ATP8B4: variants seen among roughly 807,000 people sequenced by gnomAD.
ATP8B4 encodes the protein probable phospholipid-transporting ATPase IM.
ATP8B4 carries 133 observed loss-of-function variants against 145.6 expected under a neutral mutation model. The ratio of observed to expected loss-of-function variants is 0.91; its 90% CI spans 0.79 to 1.05. The LOEUF is 1.05. Ranked by LOEUF, ATP8B4 falls within the 50% of genes least tolerant of loss-of-function variation. The pLI is 0.00. For missense variants in ATP8B4, 1,458 were observed against 1,425.2 expected (o/e 1.02, Z -0.37); for synonymous variants, 507 against 492.9 (o/e 1.03, Z -0.38).
intron 3 of ATP8B4, among the ~76,000 whole-genome samples, chr15:50,071,019 G>T (rs1057450749): frequency 6.6e-6 from 1 of 152,136 alleles, no homozygotes; most frequent in African/African-American, 2.4e-5. Context: ...GGGATTACAG[G>T]CATGAATCAC....
chr15:50,072,921 C>CCCCTCT lies in ATP8B4; in HGVS notation c.87+1205_87+1206insAGAGGG, dbSNP rs1489043308. 4.8e-4 allele frequency among the ~76,000 whole-genome samples: 13 copies of CCCCTCT among 27,294 alleles called. 2 individuals carry two copies. Among genetic ancestry groups the CCCCTCT allele is most frequent in the African/African-American group, 7.2e-4 (5 of 6,920 alleles). The allele number at this position is 27,294 out of a possible 152,430, so 17.9% of individuals were successfully genotyped here. ...TACAGGCATGAGTCACTGTGCCCGG[C>CCCCTCT]CTCTCTCTCTCTCTCTCTCTCTCTC... is the stretch of plus-strand genomic sequence containing the variant. On this transcript the variant is annotated intron_variant, in intron 3 of 27. Transcript: ENST00000284509.
At position 49,920,371 on chromosome 15, in the gene ATP8B4, A is replaced by T; in HGVS notation, c.1798T>A (p.Tyr600Asn). ...GEGLRTLAIA[Y>N]RDLDDKYFKE... ...AAGTACTTGTCATCCAGGTCTCTGTATGCGATGGCCAAGGTCCGAAGGCCT... is the reference window on the plus strand; with the variant it reads ...AAGTACTTGTCATCCAGGTCTCTGTTTGCGATGGCCAAGGTCCGAAGGCCT... The change falls in exon 18 of 28, where the codon TAC becomes AAC. Residue 600 changes from tyrosine to asparagine, a missense_variant. Transcript: ENST00000284509. 1 of 1,614,230 alleles carries T rather than the reference A, an allele frequency of 6.2e-7. No individual in the cohort carries two copies. Among genetic ancestry groups the T allele is most frequent in the Non-Finnish European group, 8.5e-7 (1 of 1,180,040 alleles).
At position 50,047,468 on chromosome 15, in the gene ATP8B4, G is replaced by C; in HGVS notation, c.88-4C>G. The C allele has an allele frequency of 6.7e-7, 1 of 1,502,684 alleles. No homozygotes were observed. Among genetic ancestry groups the C allele is most frequent in the Non-Finnish European group, 9.3e-7 (1 of 1,079,048 alleles). 93.1% of individuals were successfully genotyped at this position (1,502,684 alleles called of 1,614,324 possible). On this transcript the variant is annotated splice_polypyrimidine_tract_variant and splice_region_variant and intron_variant, in intron 3 of 27. Transcript: ENST00000284509. ...TCGATGTGTGGATACGATTATCCTG[G>C]AAAAGAAATAGCATCATGTTAGTTT... is the stretch of plus-strand genomic sequence containing the variant.
chr15:49,962,413 A>T (rs2044163025), intron 13 of ATP8B4, among the ~76,000 whole-genome samples: 1 of 152,210 alleles, frequency 6.6e-6, no homozygotes, highest in Non-Finnish European at 1.5e-5. Flanking sequence ...CCCAATGCAG[A>T]ACTTTGCCTA....
chr15:49,912,627 C>A (rs2039346165), intron 20 of ATP8B4, among the ~76,000 whole-genome samples: 1 of 151,954 alleles, frequency 6.6e-6, no homozygotes, highest in South Asian at 2.1e-4. Context: ...CTTAAGTATA[C>A]CAAAAAAACT....
At chr15:49,873,288 G>C (rs1052169264) in intron 25 of ATP8B4, among the ~76,000 whole-genome samples, 3 of 152,154 alleles carry the variant, frequency 2.0e-5, no homozygotes, top group Non-Finnish European at 4.4e-5. Context: ...CCTTTAAGGA[G>C]ATAACCTTAG....
chr15:49,932,590 T>C (rs2041366538), intron 15 of ATP8B4, among the ~76,000 whole-genome samples: 1 of 151,998 alleles, frequency 6.6e-6, no homozygotes, highest in Non-Finnish European at 1.5e-5. Flanking sequence ...TTCATGAACT[T>C]GCAAGAAAGT....
chr15:49,930,511 A>T (rs2041152706), intron 16 of ATP8B4, among the ~76,000 whole-genome samples: 1 of 152,114 alleles, frequency 6.6e-6, no homozygotes, highest in Admixed American at 6.6e-5. Context: ...ATATAATATT[A>T]GGTGGTCCTC....
chr15:50,047,546 G>A, intron 3 of ATP8B4, 82 bp from the exon 4 acceptor site: 2 of 863,518 alleles, frequency 2.3e-6, no homozygotes, highest in Non-Finnish European at 3.8e-6. Flanking sequence ...ACAAGCCTGA[G>A]CCAGAGTAAG....
chr15:50,147,158 G>A (rs1318585011), intron 1 of ATP8B4, among the ~76,000 whole-genome samples: 1 of 152,178 alleles, frequency 6.6e-6, no homozygotes, highest in African/African-American at 2.4e-5. Context: ...GCTCACGCCT[G>A]TAATCCCAGC....
At chr15:50,135,844 C>T (rs1039612385) in intron 1 of ATP8B4, among the ~76,000 whole-genome samples, 16 of 152,180 alleles carry the variant, frequency 1.1e-4, no homozygotes, top group Non-Finnish European at 1.5e-4. Flanking sequence ...ACACATGTAG[C>T]TTCAAAGGGC....
intron 7 of ATP8B4, among the ~76,000 whole-genome samples, chr15:50,007,675 C>G (rs1393186393): frequency 2.6e-5 from 4 of 152,160 alleles, no homozygotes; most frequent in African/African-American, 9.7e-5. Context: ...CTCAGTATAA[C>G]TCCTAAGTGG....
chr15:50,111,900 G>A (rs1320531436), intron 1 of ATP8B4, among the ~76,000 whole-genome samples: 1 of 152,168 alleles, frequency 6.6e-6, no homozygotes, highest in East Asian at 1.9e-4. Context: ...GGGCGGGGTG[G>A]CTCATGCCTG....
intron 9 of ATP8B4, among the ~76,000 whole-genome samples, chr15:49,994,477 A>T (rs1232417301): frequency 3.3e-5 from 5 of 152,110 alleles, no homozygotes; most frequent in African/African-American, 1.2e-4. Context: ...TATGTGCTAG[A>T]CGTTGTTCTA....
intron 3 of ATP8B4, among the ~76,000 whole-genome samples, chr15:50,060,800 G>C (rs962230368): frequency 3.9e-5 from 6 of 152,146 alleles, no homozygotes; most frequent in African/African-American, 1.4e-4. Context: ...TGGGGCCCGA[G>C]AGTCTGCATT....
At chr15:50,064,421 G>A (rs1298338395) in intron 3 of ATP8B4, among the ~76,000 whole-genome samples, 5 of 152,058 alleles carry the variant, frequency 3.3e-5, no homozygotes, top group African/African-American at 1.2e-4. Context: ...GCTGTCCTCT[G>A]CTTAATTCCT....
At chr15:49,987,303 C>T (rs2046695457) in intron 10 of ATP8B4, 88 bp downstream of exon 10, 2 of 1,441,874 alleles carry the variant, frequency 1.4e-6, no homozygotes, top group Admixed American at 2.1e-5. Flanking sequence ...AAGCACTGCG[C>T]TCATCAGAAC....
chr15:50,159,361 CT>C (rs1379083163), intron 1 of ATP8B4, among the ~76,000 whole-genome samples: 1 of 152,172 alleles, frequency 6.6e-6, no homozygotes, highest in Non-Finnish European at 1.5e-5. Context: ...TGAAACTTAA[CT>C]GAATTTGTTT....
intron 14 of ATP8B4, among the ~76,000 whole-genome samples, chr15:49,954,241 C>T (rs2043354782): frequency 6.6e-6 from 1 of 152,108 alleles, no homozygotes; most frequent in Non-Finnish European, 1.5e-5. Context: ...GTCAATTCTC[C>T]TTAATAAACT....
Sources: gnomAD v4.1 joint callset for allele counts (sites outside exome capture counted in the v4.1 genomes callset) on GRCh38, gnomAD v4.1.1 for gene constraint, MANE v1.5 for transcripts, NCBI Gene and HGNC (gene_info 2026-07-23, HGNC 2026-07-21) for gene names.